The following ARHGEF17 variants were observed in gnomAD, a reference collection of about 807,000 sequenced individuals.
ARHGEF17 encodes the protein Rho guanine nucleotide exchange factor 17, also known as 164 kDa Rho-specific guanine-nucleotide exchange factor.
In ARHGEF17, 80 loss-of-function variants were observed where a neutral mutation model predicts 174.0. The observed-to-expected ratio is 0.46, with a 90% CI of 0.38 to 0.55. The LOEUF (loss-of-function observed/expected upper bound fraction) is 0.55. Ranked by LOEUF, ARHGEF17 falls within the 20% of genes least tolerant of loss-of-function variation. The pLI is 0.00. For missense variants in ARHGEF17, 2,886 were observed against 2,839.7 expected, an observed-to-expected ratio of 1.02 and a Z score of -0.37; for synonymous variants, 1,311 against 1,189.1, an observed-to-expected ratio of 1.10 and a Z score of -2.11.
chr11:73,321,905 G>T (rs1014629760), intron 1 of ARHGEF17, among the ~76,000 whole-genome samples: 2 of 152,192 alleles, frequency 1.3e-5, no homozygotes, highest in Non-Finnish European at 2.9e-5. Flanking sequence ...CACAAGGTTG[G>T]TGTCTGTTTC....
rs767813981 is a variant in ARHGEF17, at chr11:73,309,720, C to T, written c.1082C>T (p.Pro361Leu). 2 of 1,612,892 alleles carry T rather than the reference C, an allele frequency of 1.2e-6. No individual in the cohort carries two copies. Among genetic ancestry groups the T allele is most frequent in the South Asian group, 1.1e-5 (1 of 91,088 alleles). ...CCAGGTCCCCAGGAGGGACTTCGGC[C>T]TATGTCTGACTCTGTGGGAGGAGCT... The part of the protein sequence containing the change: ...CVPGPQEGLR[P>L]MSDSVGGAFR... The change falls in exon 1 of 21, where the codon CCT (proline) becomes CTT (leucine). Residue 361 changes from proline (P) to leucine (L), a missense_variant. Pro to Leu is a moderately conservative substitution (Grantham distance 98). Transcript: ENST00000263674.
In ARHGEF17 at chr11:73,311,459, C is replaced by T; in HGVS notation, c.2821C>T (p.Gln941Ter). ...HQELRRDEGSQDQTGSLSRAR... is the reference protein window; with the variant it reads ...HQELRRDEGS The stretch of plus-strand genomic sequence containing the variant: ...GGAGCTTCGGAGAGACGAGGGCAGT[C>T]AGGACCAGACTGGCAGCCTGTCTCG... The change falls in exon 1 of 21, where the codon CAG becomes TAG. Residue 941 changes from glutamine (Q) to a stop codon, truncating the protein, a stop_gained. Coordinates refer to ENST00000263674, the MANE Select transcript of ARHGEF17 (RefSeq NM_014786.4). LOFTEE classifies it high-confidence loss of function. The T allele has an allele frequency of 1.2e-6, 2 of 1,613,380 alleles. No individual in the cohort carries two copies. Among genetic ancestry groups the T allele is most frequent in the Non-Finnish European group, 1.7e-6 (2 of 1,180,036 alleles).
In ARHGEF17 at chr11:73,310,246, C is replaced by T. The variant is rs538580757; in HGVS notation, c.1608C>T (p.Asp536=). 6.6e-5 allele frequency: 106 copies of T among 1,614,058 alleles called. No homozygotes were observed. The South Asian group carries it at 7.6e-4, about 12-fold the overall frequency. The change falls in exon 1 of 21, where the codon GAC becomes GAT. Residue 536 remains aspartate (D), a synonymous_variant. Transcript: ENST00000263674. ...ASPGTRPTLK[D]LTATLRRAKS... The stretch of plus-strand genomic sequence containing the variant: ...CTGGCACGCGCCCCACACTCAAGGA[C>T]TTGACAGCCACTCTGCGGAGAGCAA...
intron 2 of ARHGEF17, among the ~76,000 whole-genome samples, chr11:73,351,415 T>G (rs1378736168): frequency 6.6e-6 from 1 of 152,096 alleles, no homozygotes; most frequent in Non-Finnish European, 1.5e-5. Context: ...CTATTAAAGC[T>G]AGGGGAACAT....
intron 14 of ARHGEF17, 96 bp from the exon 15 acceptor site, chr11:73,363,110 G>T: frequency 7.0e-7 from 1 of 1,435,084 alleles, no homozygotes; most frequent in Non-Finnish European, 9.2e-7. Context: ...GAGGCCTTCC[G>T]GAGGGGCATG....
rs1864805875 is a variant in ARHGEF17 at position 73,310,593 on chromosome 11, C to G, written c.1955C>G (p.Pro652Arg). The G allele has an allele frequency of 6.2e-7, 1 of 1,614,152 alleles. No homozygotes were observed. The highest frequency in any genetic ancestry group is 8.5e-7 in the Non-Finnish European group (1 of 1,180,030). Reference sequence around the variant, plus strand: ...ACAGATGAAGGCATTGGGGCAGACCCTGAGCCTCCTGTTGCAGCATTTTGC... The same window carrying G: ...ACAGATGAAGGCATTGGGGCAGACCGTGAGCCTCCTGTTGCAGCATTTTGC... ...SLTDEGIGAD[P>R]EPPVAAFCGL... Residue 652 changes from proline (P) to arginine (R), a missense_variant, in exon 1 of 21, where the codon CCT becomes CGT. Coordinates refer to ENST00000263674, the MANE Select transcript of ARHGEF17 (RefSeq NM_014786.4).
chr11:73,312,743 G>A (rs891925451), intron 1 of ARHGEF17, among the ~76,000 whole-genome samples: 4 of 151,980 alleles, frequency 2.6e-5, no homozygotes, highest in African/African-American at 9.7e-5. Context: ...GTCGGTTCTT[G>A]TTCCCCCATC....
Position 73,308,650 on chromosome 11 carries a change from G to A in ARHGEF17, c.12G>A (p.Gly4=). 1 of 1,503,398 alleles carries A rather than the reference G, an allele frequency of 6.7e-7. No homozygotes were observed. The highest frequency in any genetic ancestry group is 8.8e-7 in the Non-Finnish European group (1 of 1,130,572). The allele number at this position is 1,503,398 out of a possible 1,614,324, so 93.1% of individuals were successfully genotyped here. The change falls in exon 1 of 21, where the codon GGG becomes GGA. Residue 4 remains glycine (G), a synonymous_variant. Coordinates refer to ENST00000263674, the MANE Select transcript of ARHGEF17 (RefSeq NM_014786.4). ...TGAGTTACGCCACTATGGCGGACGG[G>A]GCACCCCGGCCCCAGCTTTACCGCA... MAD[G]APRPQLYRSV... is the part of the protein sequence containing the mutation.
At position 73,310,072 on chromosome 11, in the gene ARHGEF17, G is replaced by T; in HGVS notation, c.1434G>T (p.Leu478=). 6.2e-7 allele frequency: 1 copy of T among 1,614,170 alleles called. No homozygotes were observed. Among genetic ancestry groups the T allele is most frequent in the Non-Finnish European group, 8.5e-7 (1 of 1,180,022 alleles). ...AGACCCTGACGCTTCTCAGTTTCCT[G>T]CGCTCAGACCTTTCAGAGCTGAGGG... is the stretch of plus-strand genomic sequence containing the variant. ...ASETLTLLSF[L]RSDLSELRVR... Residue 478 remains leucine, a synonymous_variant, in exon 1 of 21, where the codon CTG becomes CTT. Coordinates refer to ENST00000263674, the MANE Select transcript of ARHGEF17 (RefSeq NM_014786.4).
At chr11:73,317,111 C>T (rs1309581276) in intron 1 of ARHGEF17, among the ~76,000 whole-genome samples, 4 of 152,070 alleles carry the variant, frequency 2.6e-5, no homozygotes, top group Non-Finnish European at 5.9e-5. Context: ...CTGGGCTTTG[C>T]GCTACACTGG....
At chr11:73,333,355 C>G (rs1224622657) in intron 1 of ARHGEF17, among the ~76,000 whole-genome samples, 15 of 152,248 alleles carry the variant, frequency 9.9e-5, no homozygotes. Flanking sequence ...CCACTGCGCA[C>G]ACTTGTGCAC....
chr11:73,318,226 TC>T (rs1864959041), intron 1 of ARHGEF17, among the ~76,000 whole-genome samples: 1 of 151,956 alleles, frequency 6.6e-6, no homozygotes, highest in African/African-American at 2.4e-5. Context: ...CACCATCGCC[TC>T]CTGCTCTAGG....
chr11:73,364,301 C>T (rs955694067), intron 17 of ARHGEF17, 62 bp downstream of exon 17: 1 of 1,606,702 alleles, frequency 6.2e-7, no homozygotes, highest in South Asian at 1.1e-5. Context: ...GGGCTCTCTC[C>T]TGGAGATGTG....
At chr11:73,363,983 T>C in intron 16 of ARHGEF17, 150 bp downstream of exon 16, 3 of 1,078,916 alleles carry the variant, frequency 2.8e-6, no homozygotes, top group Non-Finnish European at 4.1e-6. Context: ...CTGTGCCTCT[T>C]ACACACTGTG....
In ARHGEF17 at chr11:73,365,488, G is replaced by A. The variant is rs777459633; in HGVS notation, c.5649G>A (p.Val1883=). 4.3e-6 allele frequency: 7 copies of A among 1,614,084 alleles called. No homozygotes were observed. In the East Asian group the frequency reaches 6.7e-5, roughly 15 times the overall value. The change falls in exon 19 of 21, where the codon GTG becomes GTA. Residue 1883 remains valine (V), a synonymous_variant. Coordinates refer to ENST00000263674, the MANE Select transcript of ARHGEF17 (RefSeq NM_014786.4). This position sits in a 1 kb window ranked among gnomAD's most constrained non-coding sequence, Gnocchi z 4.9. ...TGACATTGAAAGGTAGTGCCCACGT[G>A]TGTCTCTACCATCCAGACACCTTTG... is the stretch of plus-strand genomic sequence containing the variant. ...VWVTLKGSAH[V]CLYHPDTFEQ...
intron 1 of ARHGEF17, among the ~76,000 whole-genome samples, chr11:73,316,715 G>A (rs1176128238): frequency 6.6e-6 from 1 of 152,240 alleles, no homozygotes; most frequent in Admixed American, 6.5e-5. Flanking sequence ...AGATCATGTA[G>A]GCCAATAGGA....
Position 73,352,972 on chromosome 11 carries a change from G to A in ARHGEF17, c.3413G>A (p.Trp1138Ter). The A allele has an allele frequency of 6.2e-7, 1 of 1,614,040 alleles. No individual in the cohort carries two copies. Among genetic ancestry groups the A allele is most frequent in the South Asian group, 1.1e-5 (1 of 91,074 alleles). The part of the protein sequence containing the change: ...LEQVRHCMQT[W>*]HAQQKVGALL... Reference sequence around the variant, plus strand: ...CAGGTTCGGCACTGCATGCAGACCTGGCATGCCCAGCAGAAGGTGGGAGCC... The same window carrying A: ...CAGGTTCGGCACTGCATGCAGACCTAGCATGCCCAGCAGAAGGTGGGAGCC... Residue 1138 changes from tryptophan (W) to a stop codon, truncating the protein, a stop_gained, in exon 3 of 21, where the codon TGG (tryptophan) becomes TAG (stop). Coordinates refer to ENST00000263674, the MANE Select transcript of ARHGEF17 (RefSeq NM_014786.4). LOFTEE classifies it high-confidence loss of function.
intron 1 of ARHGEF17, among the ~76,000 whole-genome samples, chr11:73,324,181 C>G (rs1042845393): frequency 1.3e-5 from 2 of 152,214 alleles, no homozygotes; most frequent in African/African-American, 4.8e-5. Context: ...CAGCTCCTCT[C>G]TGCTTCGGAG....
intron 3 of ARHGEF17, among the ~76,000 whole-genome samples, chr11:73,354,971 C>G (rs1865612454): frequency 2.0e-5 from 3 of 152,184 alleles, no homozygotes; most frequent in South Asian, 4.1e-4. Context: ...AGAACTTGTC[C>G]TAGGAGATCA....
Sources: gnomAD v4.1 joint callset for allele counts (sites outside exome capture counted in the v4.1 genomes callset) on GRCh38, gnomAD v4.1.1 for gene constraint, Gnocchi (gnomAD v3.1) non-coding constraint, MANE v1.5 for transcripts, NCBI Gene and HGNC (gene_info 2026-07-23, HGNC 2026-07-21) for gene names.